The following NEDD4 variants were observed in gnomAD, a reference collection of about 807,000 sequenced individuals.
The protein encoded by NEDD4 is E3 ubiquitin-protein ligase NEDD4.
Under a neutral mutation model 144.9 loss-of-function variants are expected in NEDD4, and 99 were observed. That is an observed-to-expected ratio of 0.68 (90% CI 0.58 to 0.81). NEDD4 has a LOEUF of 0.81. NEDD4 is among the 30% of genes least tolerant of loss of function. The pLI, the probability that NEDD4 is intolerant of heterozygous loss-of-function variation, is 0.00. For synonymous variants in NEDD4, 318 were observed against 350.6 expected (o/e 0.91, Z 1.04); for missense variants, 985 against 1,065.9 (o/e 0.92, Z 1.06).
Position 55,829,662 on chromosome 15 carries a change from A to T in NEDD4, c.*235T>A. 4 of 383,612 alleles carry T rather than the reference A, an allele frequency of 1.0e-5. No homozygotes were observed. Among genetic ancestry groups the T allele is most frequent in the East Asian group, 5.0e-5 (1 of 19,982 alleles). 23.8% of individuals were successfully genotyped at this position (383,612 alleles called of 1,614,324 possible). ...GCCAGGTGTGGTGGTGCCTGGCTTT[A>T]GGCAGGCACCTAACTCTAAAGACAG... On this transcript the variant is annotated 3_prime_UTR_variant, in exon 29 of 29. Coordinates refer to ENST00000435532, the MANE Select transcript of NEDD4 (RefSeq NM_006154.4).
At chr15:55,892,237 AG>A in intron 5 of NEDD4, among the ~76,000 whole-genome samples, 1 of 151,736 alleles carries the variant, frequency 6.6e-6, no homozygotes, top group East Asian at 1.9e-4. Context: ...ACTTCACTCC[AG>A]CCTAGGCAAA....
chr15:55,838,821 A>C (rs2033334164), intron 21 of NEDD4, among the ~76,000 whole-genome samples: 1 of 152,138 alleles, frequency 6.6e-6, no homozygotes, highest in Admixed American at 6.5e-5. Flanking sequence ...AAAATGCATC[A>C]ATCAATTAAT....
chr15:55,828,247 TA>T lies in NEDD4; in HGVS notation c.*1649del, dbSNP rs1455513566. On this transcript the variant is annotated 3_prime_UTR_variant, in exon 29 of 29. Transcript: ENST00000435532. Reference sequence around the variant, plus strand: ...TCATCATGTTATACCCCAACAAACTTAAACCAAGAACCAGAGGTACTTTTTA... The same window carrying T: ...TCATCATGTTATACCCCAACAAACTTAACCAAGAACCAGAGGTACTTTTTA... 1 of 152,154 alleles carries T rather than the reference TA, an allele frequency of 6.6e-6. No homozygotes were observed. The highest frequency in any genetic ancestry group is 6.5e-5 in the Admixed American group (1 of 15,272). 9.4% of individuals were successfully genotyped at this position (152,154 alleles called of 1,614,324 possible). A position where few individuals can be genotyped will look rare whatever the true frequency, so the allele number is the denominator to read the frequency against.
chr15:55,916,289 A>G (rs1269965431), intron 5 of NEDD4: 1 of 1,614,054 alleles, frequency 6.2e-7, no homozygotes, highest in Admixed American at 1.7e-5. Flanking sequence ...CACTGTTAGT[A>G]TATGAACCTC....
chr15:55,866,287 A>T (rs1187582316), intron 8 of NEDD4, among the ~76,000 whole-genome samples: 1 of 151,022 alleles, frequency 6.6e-6, no homozygotes, highest in Non-Finnish European at 1.5e-5. Flanking sequence ...TTTATTGCCC[A>T]AATTTCATTC....
chr15:55,992,242 G>T (rs1247912807), intron 1 of NEDD4, among the ~76,000 whole-genome samples: 1 of 152,192 alleles, frequency 6.6e-6, no homozygotes, highest in African/African-American at 2.4e-5. Flanking sequence ...GGGACTATGA[G>T]CCGCCACCAT....
chr15:55,874,873 C>G (rs1595781640), intron 5 of NEDD4, among the ~76,000 whole-genome samples: 1 of 152,156 alleles, frequency 6.6e-6, no homozygotes, highest in African/African-American at 2.4e-5. Flanking sequence ...ACTTGGGAGG[C>G]TGAGGCAGGA....
chr15:55,940,781 C>T (rs868248089), intron 4 of NEDD4, among the ~76,000 whole-genome samples: 1 of 151,746 alleles, frequency 6.6e-6, no homozygotes, highest in Non-Finnish European at 1.5e-5. Flanking sequence ...CCTGGCCTCT[C>T]GAAGTGCTGG....
At chr15:55,920,922 TCTTTG>T (rs1191430291) in intron 5 of NEDD4, among the ~76,000 whole-genome samples, 1 of 151,328 alleles carries the variant, frequency 6.6e-6, no homozygotes, top group African/African-American at 2.4e-5. Flanking sequence ...TATCTTTGGC[TCTTTG>T]TTTTGCTGGT....
intron 4 of NEDD4, among the ~76,000 whole-genome samples, chr15:55,944,363 G>A (rs1023783879): frequency 1.5e-4 from 23 of 152,314 alleles, no homozygotes; most frequent in African/African-American, 5.5e-4. Context: ...CGGGTACCAT[G>A]CCCACAGAGC....
At chr15:55,961,435 T>TTAAA (rs1260332227) in intron 2 of NEDD4, among the ~76,000 whole-genome samples, 3 of 152,072 alleles carry the variant, frequency 2.0e-5, no homozygotes, top group Non-Finnish European at 2.9e-5. Context: ...AGACAATAAA[T>TTAAA]GTACGTTCTT....
chr15:55,916,443 T>C (rs2036448601), intron 5 of NEDD4: 1 of 1,614,016 alleles, frequency 6.2e-7, no homozygotes, highest in Non-Finnish European at 8.5e-7. Flanking sequence ...ATTCAATTCA[T>C]TATCGACCAC....
chr15:55,904,621 A>T (rs1412959238), intron 5 of NEDD4, among the ~76,000 whole-genome samples: 1 of 152,150 alleles, frequency 6.6e-6, no homozygotes, highest in Non-Finnish European at 1.5e-5. Flanking sequence ...TACACATTTT[A>T]AACAGGTTGA....
intron 9 of NEDD4, among the ~76,000 whole-genome samples, chr15:55,861,931 C>T (rs1404140147): frequency 1.3e-5 from 2 of 151,954 alleles, no homozygotes; most frequent in Non-Finnish European, 2.9e-5. Context: ...TTTTTTTCCC[C>T]CTAAATATAT....
intron 4 of NEDD4, among the ~76,000 whole-genome samples, chr15:55,940,516 C>CTT: frequency 1.6e-5 from 2 of 123,074 alleles, no homozygotes; most frequent in Non-Finnish European, 3.9e-5. Flanking sequence ...CCCTCCTCCC[C>CTT]CTTCTCTCTC....
rs2033938655 is a variant in NEDD4, at chr15:55,850,467, TAAAGA to T, written c.1347+70_1347+74del. On this transcript the variant is annotated intron_variant, in intron 14 of 28. Coordinates refer to ENST00000435532, the MANE Select transcript of NEDD4 (RefSeq NM_006154.4). The stretch of plus-strand genomic sequence containing the variant: ...AACATAGGTTATACTAATACATACT[TAAAGA>T]TTTTAAGGAACTATACATAAGAGAT... 3 of 1,400,254 alleles carry T rather than the reference TAAAGA, an allele frequency of 2.1e-6. No homozygotes were observed. In the Admixed American group the frequency reaches 5.6e-5, roughly 26 times the overall value. The allele number at this position is 1,400,254 out of a possible 1,614,324, so 86.7% of individuals were successfully genotyped here.
At chr15:55,887,136 A>G (rs2035420086) in intron 5 of NEDD4, among the ~76,000 whole-genome samples, 1 of 152,104 alleles carries the variant, frequency 6.6e-6, no homozygotes, top group Admixed American at 6.5e-5. Flanking sequence ...AGAATAAAAG[A>G]GATAATAATG....
intron 8 of NEDD4, among the ~76,000 whole-genome samples, chr15:55,867,450 G>T (rs758454377): frequency 6.6e-6 from 1 of 152,204 alleles, no homozygotes; most frequent in African/African-American, 2.4e-5. Context: ...TATGATGCGT[G>T]CATGTGGGCA....
chr15:55,838,177 G>T lies in NEDD4; in HGVS notation c.2131C>A (p.His711Asn). The T allele has an allele frequency of 1.3e-6, 2 of 1,592,472 alleles. No homozygotes were observed. Among genetic ancestry groups the T allele is most frequent in the Admixed American group, 3.4e-5 (2 of 58,910 alleles). Residue 711 changes from histidine to asparagine, a missense_variant, in exon 23 of 29, where the codon CAT becomes AAT. By Grantham distance (68) the His-to-Asn change is moderately conservative. Coordinates refer to ENST00000435532, the MANE Select transcript of NEDD4 (RefSeq NM_006154.4). ...IIDEELFGQT[H>N]QHELKNGGSE... is the part of the protein sequence containing the mutation. ...CCACCATTTTTCAGCTCATGTTGATGTGTCTAAAATTAAACACAATAACTT... is the reference window on the plus strand; with the variant it reads ...CCACCATTTTTCAGCTCATGTTGATTTGTCTAAAATTAAACACAATAACTT...
Sources: gnomAD v4.1 joint callset for allele counts (sites outside exome capture counted in the v4.1 genomes callset) on GRCh38, gnomAD v4.1.1 for gene constraint, MANE v1.5 for transcripts, NCBI Gene and HGNC (gene_info 2026-07-23, HGNC 2026-07-21) for gene names.